Variants in CHCHD6 observed in about 807,000 individuals in gnomAD.
CHCHD6 encodes the protein coiled-coil-helix-coiled-coil-helix domain containing 6, also known as MICOS complex subunit MIC25.
CHCHD6 carries 28 observed loss-of-function variants against 32.3 expected under a neutral mutation model. The observed-to-expected ratio is 0.87, with a 90% CI of 0.64 to 1.19. The LOEUF is 1.19. Among genes scored for constraint, CHCHD6 ranks in the 50% most tolerant of loss-of-function variants. CHCHD6 has a pLI of 0.00. For missense variants in CHCHD6, 333 were observed against 307.0 expected (o/e 1.08, Z -0.63); for synonymous variants, 122 against 117.5 (o/e 1.04, Z -0.25).
rs376364842 is a variant in CHCHD6 at position 126,710,791 on chromosome 3, C to G, written c.87+6392C>G. ...GTATATTGACTTTGTATCTTGCAAC[C>G]TCGTTAGGCTCATTTATTAGTTCAA... is the stretch of plus-strand genomic sequence containing the variant. On this transcript the variant is annotated intron_variant, in intron 1 of 7. Coordinates refer to ENST00000290913, the MANE Select transcript of CHCHD6 (RefSeq NM_032343.3). Among the ~76,000 whole-genome samples, 13 of 152,220 alleles carry G rather than the reference C, an allele frequency of 8.5e-5. No individual in the cohort carries two copies. The South Asian group carries it at 2.7e-3, about 32-fold the overall frequency.
At chr3:126,751,306 A>G (rs552140351) in intron 4 of CHCHD6, among the ~76,000 whole-genome samples, 46 of 152,132 alleles carry the variant, frequency 3.0e-4, no homozygotes, top group African/African-American at 1.1e-3. Context: ...GTTCGAGACC[A>G]GCCTGGGCAA....
At chr3:126,772,520 GGTTTA>G (rs1466744723) in intron 4 of CHCHD6, among the ~76,000 whole-genome samples, 1 of 152,068 alleles carries the variant, frequency 6.6e-6, no homozygotes, top group Non-Finnish European at 1.5e-5. Flanking sequence ...TATCTTTGTT[GGTTTA>G]AAGTCTGTTT....
At chr3:126,844,559 A>G (rs948295100) in intron 4 of CHCHD6, among the ~76,000 whole-genome samples, 3 of 152,212 alleles carry the variant, frequency 2.0e-5, no homozygotes, top group Non-Finnish European at 2.9e-5. Context: ...TGCACAATAT[A>G]TCTTTTTCCT....
intron 4 of CHCHD6, among the ~76,000 whole-genome samples, chr3:126,804,335 AAG>A (rs1188642952): frequency 6.6e-6 from 1 of 152,090 alleles, no homozygotes; most frequent in Admixed American, 6.6e-5. Context: ...TAAAGAAAAA[AAG>A]AGAGAAGAAT....
At chr3:126,862,621 TCC>T in intron 5 of CHCHD6, among the ~76,000 whole-genome samples, 1 of 108,690 alleles carries the variant, frequency 9.2e-6, no homozygotes, top group African/African-American at 3.7e-5. Context: ...CTCCCCCTCC[TCC>T]ACCATCACCA....
chr3:126,957,117 C>G, intron 6 of CHCHD6: 1 of 463,364 alleles, frequency 2.2e-6, no homozygotes, highest in Non-Finnish European at 4.0e-6. Context: ...GCTTTCCTGT[C>G]TCCTGAGTGT....
At chr3:126,864,006 C>G (rs1376115114) in intron 5 of CHCHD6, among the ~76,000 whole-genome samples, 1 of 149,930 alleles carries the variant, frequency 6.7e-6, no homozygotes, top group Non-Finnish European at 1.5e-5. Flanking sequence ...CCTTCTCCCC[C>G]ACTATCACCA....
At chr3:126,756,907 G>T (rs1936974283) in intron 4 of CHCHD6, among the ~76,000 whole-genome samples, 1 of 152,184 alleles carries the variant, frequency 6.6e-6, no homozygotes, top group Non-Finnish European at 1.5e-5. Context: ...ATCCACTTGT[G>T]TCTTGTTAAT....
chr3:126,775,068 T>C (rs1184937971), intron 4 of CHCHD6, among the ~76,000 whole-genome samples: 10 of 152,262 alleles, frequency 6.6e-5, no homozygotes, highest in African/African-American at 2.2e-4. Flanking sequence ...GTGTATGTGA[T>C]GTCCAGGGTT....
chr3:126,887,379 C>A (rs1025682793), intron 5 of CHCHD6, among the ~76,000 whole-genome samples: 4 of 152,028 alleles, frequency 2.6e-5, no homozygotes, highest in Admixed American at 6.5e-5. Flanking sequence ...CATGATTTTT[C>A]TTTTCCTCTG....
intron 4 of CHCHD6, among the ~76,000 whole-genome samples, chr3:126,769,585 C>T (rs1937507975): frequency 6.6e-6 from 1 of 152,156 alleles, no homozygotes; most frequent in Admixed American, 6.5e-5. Context: ...CTCACTGCAA[C>T]CTCTGCCTCC....
At chr3:126,767,757 C>A (rs1446918977) in intron 4 of CHCHD6, among the ~76,000 whole-genome samples, 1 of 152,148 alleles carries the variant, frequency 6.6e-6, no homozygotes, top group East Asian at 1.9e-4. Context: ...TACCTTCCAC[C>A]CTCAAGTAGG....
In CHCHD6 at chr3:126,743,574, G is replaced by A. The variant is rs1936370128; in HGVS notation, c.411+10352G>A. On this transcript the variant is annotated intron_variant, in intron 4 of 7. Coordinates refer to ENST00000290913, the MANE Select transcript of CHCHD6 (RefSeq NM_032343.3). Reference sequence around the variant, plus strand: ...GGATGACTAAAGAGGCTGACAGCTGGGGCTGGGGGCTGGAGAAACTGTGCA... The same window carrying A: ...GGATGACTAAAGAGGCTGACAGCTGAGGCTGGGGGCTGGAGAAACTGTGCA... Among the ~76,000 whole-genome samples, 5 of 152,168 alleles carry A rather than the reference G, an allele frequency of 3.3e-5. No individual in the cohort carries two copies. In the South Asian group the frequency reaches 1.0e-3, roughly 32 times the overall value.
intron 4 of CHCHD6, among the ~76,000 whole-genome samples, chr3:126,820,234 T>C (rs887781095): frequency 1.3e-5 from 2 of 152,220 alleles, no homozygotes; most frequent in Admixed American, 6.5e-5. Flanking sequence ...TATTGAGGTA[T>C]AACAGTAAAC....
chr3:126,882,193 A>G (rs2077620091), intron 5 of CHCHD6, among the ~76,000 whole-genome samples: 1 of 152,208 alleles, frequency 6.6e-6, no homozygotes. Flanking sequence ...ATCCCCAGGT[A>G]TCAGCAGGTA....
intron 6 of CHCHD6, among the ~76,000 whole-genome samples, chr3:126,951,058 C>T (rs2078708277): frequency 6.6e-6 from 1 of 152,102 alleles, no homozygotes. Flanking sequence ...ATTGTAATCC[C>T]CACGTGTCAA....
intron 4 of CHCHD6, among the ~76,000 whole-genome samples, chr3:126,851,432 G>C (rs566276359): frequency 6.6e-6 from 1 of 152,212 alleles, no homozygotes; most frequent in East Asian, 1.9e-4. Flanking sequence ...ACAGTCTACC[G>C]CTGGCTAGCT....
At chr3:126,804,003 C>T (rs1019278513) in intron 4 of CHCHD6, among the ~76,000 whole-genome samples, 2 of 152,172 alleles carry the variant, frequency 1.3e-5, no homozygotes, top group South Asian at 2.1e-4. Context: ...TAAAGATGTT[C>T]TTTTAAACCA....
chr3:126,904,734 T>A (rs776692125), intron 5 of CHCHD6, among the ~76,000 whole-genome samples: 7 of 152,194 alleles, frequency 4.6e-5, no homozygotes, highest in African/African-American at 1.7e-4. Context: ...CATAGAGCGA[T>A]CTTTTCTCTG....
Sources: allele counts gnomAD v4.1 joint callset (sites outside exome capture counted in the v4.1 genomes callset), GRCh38; gene constraint gnomAD v4.1.1; transcripts MANE v1.5; gene names NCBI Gene and HGNC (gene_info 2026-07-23, HGNC 2026-07-21).